The following DIP2C variants were observed in gnomAD, a reference collection of about 807,000 sequenced individuals.
DIP2C encodes disco-interacting protein 2 homolog C.
In DIP2C, 33 loss-of-function variants were observed where a neutral mutation model predicts 192.4. The observed-to-expected ratio is 0.17, with a 90% confidence interval of 0.13 to 0.23. The LOEUF (loss-of-function observed/expected upper bound fraction) is 0.23, where lower values mean the gene tolerates loss of function less well. Ranked by LOEUF, DIP2C falls within the 10% of genes least tolerant of loss-of-function variation. The pLI is 1.00. For synonymous variants in DIP2C, 979 were observed against 864.1 expected (o/e 1.13, Z -2.33); for missense variants, 1,537 against 2,110.1 (o/e 0.73, Z 5.32).
intron 6 of DIP2C, among the ~76,000 whole-genome samples, chr10:417,658 GTT>G (rs1564684584): frequency 0.021 from 281 of 13,256 alleles, 17 homozygotes; most frequent in African/African-American, 0.052. Flanking sequence ...CTGTCCACCT[GTT>G]CCTGTCAGGG....
intron 1 of DIP2C, among the ~76,000 whole-genome samples, chr10:520,901 C>CA (rs1292983895): frequency 6.6e-6 from 1 of 152,184 alleles, no homozygotes; most frequent in African/African-American, 2.4e-5. Context: ...CTTTTAAAGT[C>CA]ATACACTGTT....
intron 1 of DIP2C, among the ~76,000 whole-genome samples, chr10:515,856 TAAACACTATGGTAAACA>T (rs1182909173): frequency 2.6e-5 from 4 of 152,174 alleles, no homozygotes; most frequent in African/African-American, 9.7e-5. Context: ...TTCTCGTCTC[TAAACACTATGGTAAACA>T]CCTGCCATCA....
intron 2 of DIP2C, among the ~76,000 whole-genome samples, chr10:473,741 G>A (rs1970839017): frequency 6.6e-6 from 1 of 152,230 alleles, no homozygotes; most frequent in African/African-American, 2.4e-5. Context: ...CTTCAGAAAT[G>A]GATCAGTAAT....
intron 1 of DIP2C, among the ~76,000 whole-genome samples, chr10:685,953 C>CCT (rs10667549): frequency 0.89 from 135,146 of 151,998 alleles, 61,012 homozygotes; most frequent in South Asian, 0.97. Context: ...AGAGTGAGAC[C>CCT]GTCTCAAAAA....
intron 1 of DIP2C, among the ~76,000 whole-genome samples, chr10:538,942 T>C (rs1847837855): frequency 6.6e-6 from 1 of 151,208 alleles, no homozygotes; most frequent in Admixed American, 6.6e-5. Context: ...CAGTTGTGAG[T>C]TGTCTGTTCA....
intron 1 of DIP2C, among the ~76,000 whole-genome samples, chr10:554,432 A>G (rs1848739131): frequency 6.6e-6 from 1 of 152,260 alleles, no homozygotes; most frequent in African/African-American, 2.4e-5. Flanking sequence ...CTTGCTTGAT[A>G]AGGTATTAAA....
At chr10:655,809 T>C (rs530824655) in intron 1 of DIP2C, among the ~76,000 whole-genome samples, 213 of 151,964 alleles carry the variant, frequency 1.4e-3, no homozygotes, top group African/African-American at 4.4e-3. Context: ...TGCTACCCTA[T>C]AGAACACTCT....
chr10:361,572 G>A (rs542686985), intron 22 of DIP2C, among the ~76,000 whole-genome samples: 7 of 152,314 alleles, frequency 4.6e-5, no homozygotes, highest in South Asian at 4.1e-4. Context: ...AGCTGGGACC[G>A]TGGGTCACTG....
In DIP2C at chr10:617,960, T is replaced by C. The variant is rs577761398; in HGVS notation, c.85+71534A>G. Among the ~76,000 whole-genome samples, 8 of 152,172 alleles carry C rather than the reference T, an allele frequency of 5.3e-5. No individual in the cohort carries two copies. In the East Asian group the frequency reaches 1.6e-3, roughly 29 times the overall value. On this transcript the variant is annotated intron_variant, in intron 1 of 36. Transcript: ENST00000280886. ...TGCAGGTGTGACAATTTAGGAATCC[T>C]GCTTGCTTGTGAGCTCCAAGAGCTT...
At chr10:318,703 G>A (rs889183539) in intron 31 of DIP2C, among the ~76,000 whole-genome samples, 6 of 152,168 alleles carry the variant, frequency 3.9e-5, no homozygotes, top group African/African-American at 9.7e-5. Context: ...CCGTGTGTCA[G>A]CAGGAAAGGG....
chr10:582,344 T>C (rs1483634192), intron 1 of DIP2C, among the ~76,000 whole-genome samples: 1 of 152,168 alleles, frequency 6.6e-6, no homozygotes, highest in East Asian at 1.9e-4. Context: ...ACAGAGGTTC[T>C]CCGTAAAAAC....
At chr10:676,417 T>C (rs1399104464) in intron 1 of DIP2C, among the ~76,000 whole-genome samples, 1 of 151,098 alleles carries the variant, frequency 6.6e-6, no homozygotes, top group Non-Finnish European at 1.5e-5. Flanking sequence ...TCAAGAGCAA[T>C]CAGGCAAGAG....
rs1288993838 is a variant in DIP2C, at chr10:418,031, C to T, written c.739+1034G>A. ...CAGGGCGCGGACAGGCCTCCCTGTC[C>T]ACCTGTTCCTGTCAGGGCTTCGATA... On this transcript the variant is annotated intron_variant, in intron 6 of 36. Transcript: ENST00000280886. 7.3e-5 allele frequency among the ~76,000 whole-genome samples: 4 copies of T among 54,644 alleles called. 1 individual carries two copies. The highest frequency in any genetic ancestry group is 1.6e-4 in the Non-Finnish European group (4 of 25,342). The allele number at this position is 54,644 out of a possible 152,430, so 35.8% of individuals were successfully genotyped here.
chr10:377,828 T>G (rs557383345), intron 17 of DIP2C, among the ~76,000 whole-genome samples: 1 of 152,346 alleles, frequency 6.6e-6, no homozygotes, highest in Non-Finnish European at 1.5e-5. Flanking sequence ...AAGGGGGTAT[T>G]TTATCTTTTC....
intron 2 of DIP2C, among the ~76,000 whole-genome samples, chr10:483,807 G>A (rs1277151610): frequency 6.6e-6 from 1 of 151,996 alleles, no homozygotes; most frequent in Non-Finnish European, 1.5e-5. Flanking sequence ...TTGCCTCTAT[G>A]ACTTCATTTT....
chr10:538,810 A>G (rs772512570), intron 1 of DIP2C, among the ~76,000 whole-genome samples: 31 of 152,238 alleles, frequency 2.0e-4, no homozygotes, highest in Admixed American at 3.9e-4. Context: ...TATCAAAAAA[A>G]TTGTAAGCAC....
chr10:673,012 A>C (rs1830723137), intron 1 of DIP2C, among the ~76,000 whole-genome samples: 1 of 152,252 alleles, frequency 6.6e-6, no homozygotes, highest in Non-Finnish European at 1.5e-5. Flanking sequence ...AAAGGTTCCC[A>C]GCTAAGGAAA....
chr10:277,287 A>G lies in DIP2C; in HGVS notation c.*38T>C. ...TCAGTGGACACGGAGAACAATGTCTACATCTCTAGAAAAGTCCATGGAAGC... is the reference window on the plus strand; with the variant it reads ...TCAGTGGACACGGAGAACAATGTCTGCATCTCTAGAAAAGTCCATGGAAGC... On this transcript the variant is annotated 3_prime_UTR_variant, in exon 37 of 37. Coordinates refer to ENST00000280886, the MANE Select transcript of DIP2C (RefSeq NM_014974.3). The G allele has an allele frequency of 6.2e-7, 1 of 1,607,560 alleles. No individual in the cohort carries two copies. Among genetic ancestry groups the G allele is most frequent in the South Asian group, 1.1e-5 (1 of 90,542 alleles).
intron 1 of DIP2C, among the ~76,000 whole-genome samples, chr10:634,187 C>T (rs1030461014): frequency 2.0e-5 from 3 of 152,212 alleles, no homozygotes; most frequent in Non-Finnish European, 2.9e-5. Flanking sequence ...TAATAAAAAC[C>T]TGGGGCTCAG....
Sources: gnomAD v4.1 joint callset for allele counts (sites outside exome capture counted in the v4.1 genomes callset) on GRCh38, gnomAD v4.1.1 for gene constraint, MANE v1.5 for transcripts, NCBI Gene and HGNC (gene_info 2026-07-23, HGNC 2026-07-21) for gene names.